The following BLVRA variants were observed in gnomAD, a reference collection of about 807,000 sequenced individuals.
BLVRA encodes BVR A.
In BLVRA, 22 loss-of-function variants were observed where a neutral mutation model predicts 32.8. The observed-to-expected ratio is 0.67, with a 90% CI of 0.48 to 0.96. The LOEUF (loss-of-function observed/expected upper bound fraction) is 0.96. Ranked by LOEUF, BLVRA falls within the 40% of genes least tolerant of loss-of-function variation. BLVRA has a pLI of 0.00. For synonymous variants in BLVRA, 119 were observed against 141.3 expected (o/e 0.84, Z 1.12); for missense variants, 323 against 358.1 (o/e 0.90, Z 0.79).
chr7:43,775,589 G>T (rs2095759828), intron 2 of BLVRA, among the ~76,000 whole-genome samples: 1 of 152,172 alleles, frequency 6.6e-6, no homozygotes, highest in African/African-American at 2.4e-5. Context: ...AAGGATATTG[G>T]TCTAAAATTC....
chr7:43,771,283 T>C (rs2132551364), intron 2 of BLVRA, 113 bp downstream of exon 2: 2 of 1,286,782 alleles, frequency 1.6e-6, no homozygotes, highest in Non-Finnish European at 2.2e-6. Flanking sequence ...CTTGAGAACA[T>C]TTCCCCTCTA....
rs763059228 is a variant in BLVRA, at chr7:43,800,559, G to A, written c.447G>A (p.Ser149=). Residue 149 remains serine, a synonymous_variant, in exon 6 of 8, where the codon TCG becomes TCA. Transcript: ENST00000265523. ...EVVGKDLLKG[S]LLFTAGPLEE... ...TGGGGAAAGACCTGCTGAAAGGGTCGCTCCTCTTCACAGGTCAGTGCTACG... is the reference window on the plus strand; with the variant it reads ...TGGGGAAAGACCTGCTGAAAGGGTCACTCCTCTTCACAGGTCAGTGCTACG... 7.4e-6 allele frequency: 12 copies of A among 1,613,702 alleles called. No individual in the cohort carries two copies. The highest frequency in any genetic ancestry group is 5.3e-5 in the African/African-American group (4 of 74,910).
chr7:43,787,112 G>A lies in BLVRA; in HGVS notation c.13-792G>A, dbSNP rs1330936228. Among the ~76,000 whole-genome samples, 4 of 151,872 alleles carry A rather than the reference G, an allele frequency of 2.6e-5. No individual in the cohort carries two copies. Among genetic ancestry groups the A allele is most frequent in the Admixed American group, 6.6e-5 (1 of 15,244 alleles). On this transcript the variant is annotated intron_variant, in intron 2 of 7. Transcript: ENST00000265523. This position sits in a 1 kb window ranked among gnomAD's most constrained non-coding sequence, Gnocchi z 4.5. ...TAATTTTTGTATTTTTAGTAGAGAC[G>A]AGGTTTCTCCATGTTGGCCAGGCTG... is the stretch of plus-strand genomic sequence containing the variant.
intron 1 of BLVRA, among the ~76,000 whole-genome samples, chr7:43,763,188 T>G (rs1002991584): frequency 2.0e-5 from 3 of 151,954 alleles, no homozygotes; most frequent in Non-Finnish European, 2.9e-5. Context: ...CTCTCTGGTT[T>G]GAAGGGGTAG....
At chr7:43,762,463 A>G (rs1051145545) in intron 1 of BLVRA, among the ~76,000 whole-genome samples, 3 of 151,876 alleles carry the variant, frequency 2.0e-5, no homozygotes, top group Admixed American at 6.6e-5. Flanking sequence ...GGGAAACATA[A>G]TGTAAGCCAA....
chr7:43,766,442 A>C (rs773843335), intron 1 of BLVRA, among the ~76,000 whole-genome samples: 19 of 152,232 alleles, frequency 1.2e-4, no homozygotes, highest in Admixed American at 3.9e-4. Flanking sequence ...ACACCTTTGA[A>C]ATTTAAATAA....
intron 2 of BLVRA, among the ~76,000 whole-genome samples, chr7:43,778,716 T>A (rs2095764745): frequency 6.6e-6 from 1 of 152,236 alleles, no homozygotes; most frequent in East Asian, 1.9e-4. Flanking sequence ...TCTGCAGAGG[T>A]TACTGCTGTC....
chr7:43,803,856 T>C lies in BLVRA; in HGVS notation c.632+9T>C. 6.2e-7 allele frequency: 1 copy of C among 1,613,518 alleles called. No homozygotes were observed. The highest frequency in any genetic ancestry group is 8.5e-7 in the Non-Finnish European group (1 of 1,179,752). ...GAGACAGAGAAGAAAAGGTAAGTCA[T>C]GAGAAGCCATGAGGAGGAGGAAATT... On this transcript the variant is annotated intron_variant, in intron 7 of 7. Coordinates refer to ENST00000265523, the MANE Select transcript of BLVRA (RefSeq NM_000712.4).
intron 1 of BLVRA, among the ~76,000 whole-genome samples, chr7:43,761,608 G>A (rs1274402017): frequency 1.3e-5 from 2 of 152,160 alleles, no homozygotes. Context: ...TAATGGCCTT[G>A]AAGGAAGCAG....
chr7:43,781,706 G>A (rs1311750941), intron 2 of BLVRA, among the ~76,000 whole-genome samples: 1 of 152,162 alleles, frequency 6.6e-6, no homozygotes, highest in Non-Finnish European at 1.5e-5. Context: ...TTTTCTGTAT[G>A]TTAAAGATAT....
At chr7:43,793,551 G>C (rs2030133074) in intron 5 of BLVRA, among the ~76,000 whole-genome samples, 1 of 152,082 alleles carries the variant, frequency 6.6e-6, no homozygotes, top group Admixed American at 6.5e-5. Context: ...CACTTTGGGA[G>C]GCCAAGGAGC....
intron 2 of BLVRA, among the ~76,000 whole-genome samples, chr7:43,781,713 A>G (rs1251142917): frequency 6.6e-6 from 1 of 152,220 alleles, no homozygotes; most frequent in Non-Finnish European, 1.5e-5. Context: ...TATGTTAAAG[A>G]TATATAGTTA....
rs1354440558 is a variant in BLVRA, at chr7:43,772,301, C to T, written c.12+1131C>T. On this transcript the variant is annotated intron_variant, in intron 2 of 7. Coordinates refer to ENST00000265523, the MANE Select transcript of BLVRA (RefSeq NM_000712.4). ...GGCCACATATGTTCGCATTCCCTTT[C>T]ATCAGCAGGAAGAAGTGGCTTCCTG... Among the ~76,000 whole-genome samples, 4 of 152,226 alleles carry T rather than the reference C, an allele frequency of 2.6e-5. 1 individual carries two copies. The South Asian group carries it at 6.2e-4, about 24-fold the overall frequency.
intron 1 of BLVRA, among the ~76,000 whole-genome samples, chr7:43,769,966 G>A (rs2690384): frequency 0.26 from 38,933 of 152,082 alleles, 5,725 homozygotes; most frequent in South Asian, 0.44. Context: ...CCCCTTCCCC[G>A]GGTAGTCTTA....
chr7:43,790,355 G>A (rs527731587), intron 3 of BLVRA, among the ~76,000 whole-genome samples: 1 of 152,186 alleles, frequency 6.6e-6, no homozygotes. Context: ...TTATGTGCTA[G>A]GCATTATAGG....
chr7:43,765,449 A>G (rs987746225), intron 1 of BLVRA, among the ~76,000 whole-genome samples: 4 of 152,018 alleles, frequency 2.6e-5, no homozygotes, highest in African/African-American at 7.2e-5. Flanking sequence ...ACACGGTTTC[A>G]CCATGTTGGC....
intron 3 of BLVRA, among the ~76,000 whole-genome samples, chr7:43,788,619 AT>A (rs1206798000): frequency 2.6e-5 from 4 of 151,394 alleles, no homozygotes; most frequent in Non-Finnish European, 5.9e-5. Flanking sequence ...TATTATTATT[AT>A]TTTTTTTGAG....
intron 1 of BLVRA, among the ~76,000 whole-genome samples, chr7:43,759,405 C>A (rs977153209): frequency 6.6e-6 from 1 of 152,242 alleles, no homozygotes; most frequent in Non-Finnish European, 1.5e-5. Context: ...ATCAGACTTA[C>A]AGTTTTGGAT....
chr7:43,771,158 G>A lies in BLVRA; in HGVS notation c.-1G>A. 1 of 1,614,064 alleles carries A rather than the reference G, an allele frequency of 6.2e-7. No homozygotes were observed. Among genetic ancestry groups the A allele is most frequent in the South Asian group, 1.1e-5 (1 of 91,082 alleles). On this transcript the variant is annotated 5_prime_UTR_variant, in exon 2 of 8. Transcript: ENST00000265523. ...TACAGTGACCGAAGGAAGAGACCAA[G>A]ATGAATGCAGAGGTGAGTTCTTTAC...
Sources: allele counts gnomAD v4.1 joint callset (sites outside exome capture counted in the v4.1 genomes callset), GRCh38; gene constraint gnomAD v4.1.1; non-coding constraint Gnocchi (gnomAD v3.1); transcripts MANE v1.5; gene names NCBI Gene and HGNC (gene_info 2026-07-23, HGNC 2026-07-21).